ODAD2: variants seen among roughly 807,000 people sequenced by gnomAD.
ODAD2 encodes the protein outer dynein arm-docking complex subunit 2.
A neutral mutation model predicts 106.8 loss-of-function variants in ODAD2; 89 were observed. The observed-to-expected ratio is 0.83, with a 90% CI of 0.70 to 0.99. ODAD2 has a LOEUF of 0.99. Among genes scored for constraint, ODAD2 ranks in the 50% least tolerant of loss-of-function variants. The probability of loss-of-function intolerance (pLI) is 0.00; values close to 1 mark genes in which losing one functional copy is unlikely to be tolerated. For missense variants in ODAD2, 1,168 were observed against 1,238.5 expected, an observed-to-expected ratio of 0.94 and a Z score of 0.85; for synonymous variants, 404 against 436.2, an observed-to-expected ratio of 0.93 and a Z score of 0.92.
intron 19 of ODAD2, among the ~76,000 whole-genome samples, chr10:27,851,321 T>C (rs1589824053): frequency 6.6e-6 from 1 of 152,166 alleles, no homozygotes; most frequent in East Asian, 1.9e-4. Flanking sequence ...AAAATAGCAA[T>C]CTGATTCTTA....
At chr10:27,942,133 C>T (rs147642259) in intron 12 of ODAD2, among the ~76,000 whole-genome samples, 29 of 152,274 alleles carry the variant, frequency 1.9e-4, no homozygotes, top group African/African-American at 2.9e-4. Context: ...TCAGAAAGCC[C>T]GTAGCATTTG....
chr10:27,833,961 C>T (rs750186207), intron 19 of ODAD2, among the ~76,000 whole-genome samples: 6 of 152,178 alleles, frequency 3.9e-5, no homozygotes, highest in Admixed American at 1.3e-4. Context: ...GAAAGGACAG[C>T]GGTGAAGGTT....
In ODAD2 at chr10:27,896,467, G is replaced by T. The variant is rs185761985; in HGVS notation, c.2610+11196C>A. On this transcript the variant is annotated intron_variant, in intron 17 of 19. Transcript: ENST00000305242. ...ATTGATAGGTAATAGATGGATGATT[G>T]ATTGAAAGATAGAGAGATAGATAAG... 8.7e-4 allele frequency among the ~76,000 whole-genome samples: 132 copies of T among 152,312 alleles called. 2 individuals are homozygous for T. Among genetic ancestry groups the T allele is most frequent in the African/African-American group, 3.0e-3 (123 of 41,580 alleles).
intron 16 of ODAD2, among the ~76,000 whole-genome samples, chr10:27,926,790 A>C (rs1182871977): frequency 6.6e-6 from 1 of 152,174 alleles, no homozygotes; most frequent in East Asian, 1.9e-4. Flanking sequence ...ACATTTTATA[A>C]TATTTTATCA....
intron 17 of ODAD2, 36 bp from the exon 18 acceptor site, chr10:27,862,658 T>A (rs756576898): frequency 2.6e-6 from 4 of 1,510,874 alleles, no homozygotes; most frequent in Non-Finnish European, 3.6e-6. Context: ...GTATCAAAAC[T>A]AAACCTACAT....
chr10:27,997,915 AG>A (rs1237372054), intron 1 of ODAD2, among the ~76,000 whole-genome samples: 3 of 152,218 alleles, frequency 2.0e-5, no homozygotes, highest in African/African-American at 7.2e-5. Flanking sequence ...AAAGATTAAA[AG>A]GAAAAAAGTT....
At chr10:27,848,091 C>G (rs1276776530) in intron 19 of ODAD2, among the ~76,000 whole-genome samples, 1 of 152,156 alleles carries the variant, frequency 6.6e-6, no homozygotes. Context: ...CATATGGAAC[C>G]AAAAAAGAGC....
In ODAD2 at chr10:27,939,997, C is replaced by G. The variant is rs35472668; in HGVS notation, c.1997G>C (p.Arg666Pro). Residue 666 changes from arginine (R) to proline (P), a missense_variant, in exon 14 of 20, where the codon CGG (arginine) becomes CCG (proline). By Grantham distance (103) the Arg-to-Pro change is moderately radical. Coordinates refer to ENST00000305242, the MANE Select transcript of ODAD2 (RefSeq NM_018076.5). ...GATCCTTTCTGCTTTGATTGCAGCC[C>G]GGTAGTTTTCCTAGGAATAAAAACC... Reference protein sequence around the residue: ...LQECASEENYRAAIKAERIIE... With the variant: ...LQECASEENYPAAIKAERIIE... 2.3e-4 allele frequency: 375 copies of G among 1,602,990 alleles called. No homozygotes were observed. In the African/African-American group the frequency reaches 4.6e-3, roughly 20 times the overall value.
At chr10:27,900,139 T>C (rs1843101264) in intron 17 of ODAD2, among the ~76,000 whole-genome samples, 1 of 152,166 alleles carries the variant, frequency 6.6e-6, no homozygotes, top group Non-Finnish European at 1.5e-5. Flanking sequence ...ATCTTTGCTG[T>C]TCTGCAGCCT....
intron 16 of ODAD2, among the ~76,000 whole-genome samples, chr10:27,914,335 T>C (rs970159299): frequency 5.9e-5 from 9 of 152,148 alleles, no homozygotes; most frequent in African/African-American, 2.2e-4. Context: ...CTTTTCATTG[T>C]ATAACAATCT....
chr10:27,989,821 C>T lies in ODAD2; in HGVS notation c.225-2278G>A, dbSNP rs190504659. The stretch of plus-strand genomic sequence containing the variant: ...CCAACATCACACCACTGCACTCCAA[C>T]CTGAGTGACAGAGTGAGACCCCCTC... On this transcript the variant is annotated intron_variant, in intron 2 of 19. Transcript: ENST00000305242. 4.7e-3 allele frequency among the ~76,000 whole-genome samples: 720 copies of T among 152,172 alleles called. 3 individuals carry two copies. Among genetic ancestry groups the T allele is most frequent in the Non-Finnish European group, 7.9e-3 (539 of 68,004 alleles).
chr10:27,847,850 G>A (rs369323249), intron 19 of ODAD2, among the ~76,000 whole-genome samples: 1 of 151,900 alleles, frequency 6.6e-6, no homozygotes, highest in Admixed American at 6.6e-5. Flanking sequence ...AATACCTAGG[G>A]ATCCAACTTA....
intron 7 of ODAD2, among the ~76,000 whole-genome samples, chr10:27,971,939 A>G (rs1159053344): frequency 2.6e-5 from 4 of 152,216 alleles, no homozygotes; most frequent in Admixed American, 2.6e-4. Context: ...TTATTCAGTC[A>G]GGAGTAATAC....
At chr10:27,871,416 A>T (rs563263156) in intron 17 of ODAD2, among the ~76,000 whole-genome samples, 1 of 152,196 alleles carries the variant, frequency 6.6e-6, no homozygotes, top group Non-Finnish European at 1.5e-5. Flanking sequence ...TGTTTTAGAC[A>T]TGAAGTCCTT....
At chr10:27,838,023 G>C (rs1205888410) in intron 19 of ODAD2, among the ~76,000 whole-genome samples, 1 of 151,900 alleles carries the variant, frequency 6.6e-6, no homozygotes, top group Non-Finnish European at 1.5e-5. Flanking sequence ...TAAGATTTTT[G>C]TATTTTTTTA....
At chr10:27,997,898 T>G (rs1328079327) in intron 1 of ODAD2, among the ~76,000 whole-genome samples, 1 of 152,148 alleles carries the variant, frequency 6.6e-6, no homozygotes, top group African/African-American at 2.4e-5. Flanking sequence ...GTAAAGAAAG[T>G]AAGTTTAAAG....
intron 19 of ODAD2, among the ~76,000 whole-genome samples, chr10:27,821,752 C>A (rs535762074): frequency 6.6e-6 from 1 of 152,268 alleles, no homozygotes; most frequent in South Asian, 2.1e-4. Flanking sequence ...AATTGGTATA[C>A]ACTTTTTTGG....
At chr10:27,914,264 T>C (rs899420085) in intron 16 of ODAD2, among the ~76,000 whole-genome samples, 5 of 152,068 alleles carry the variant, frequency 3.3e-5, no homozygotes, top group Admixed American at 6.6e-5. Context: ...CAATGCTGAG[T>C]TTGGTCCTTT....
chr10:27,992,938 G>A (rs953557730), intron 2 of ODAD2, among the ~76,000 whole-genome samples: 2 of 152,002 alleles, frequency 1.3e-5, no homozygotes, highest in African/African-American at 2.4e-5. Context: ...TTTTTTTTGA[G>A]ATGGAGTTTC....
Sources: allele counts gnomAD v4.1 joint callset (sites outside exome capture counted in the v4.1 genomes callset), GRCh38; gene constraint gnomAD v4.1.1; transcripts MANE v1.5; gene names NCBI Gene and HGNC (gene_info 2026-07-23, HGNC 2026-07-21).